Variants in RFTN1 observed in about 807,000 individuals in gnomAD.
RFTN1 encodes the protein raftlin, lipid raft linker 1, also known as raftlin.
A neutral mutation model predicts 46.5 loss-of-function variants in RFTN1; 26 were observed. That is an observed-to-expected ratio of 0.56 (90% confidence interval 0.41 to 0.78). The LOEUF (loss-of-function observed/expected upper bound fraction) is 0.78. Among genes scored for constraint, RFTN1 ranks in the 30% least tolerant of loss-of-function variants. The pLI, the probability that RFTN1 is intolerant of heterozygous loss-of-function variation, is 0.00. For missense variants in RFTN1, 693 were observed against 718.7 expected (o/e 0.96, Z 0.41); for synonymous variants, 261 against 284.2 (o/e 0.92, Z 0.82).
chr3:16,416,569 T>G (rs1439752439), intron 3 of RFTN1, among the ~76,000 whole-genome samples: 1 of 152,202 alleles, frequency 6.6e-6, no homozygotes, highest in African/African-American at 2.4e-5. Context: ...GAGAATTCTC[T>G]GGAATACCTT....
At position 16,410,173 on chromosome 3, in the gene RFTN1, A is replaced by G. The variant is rs1438324698; in HGVS notation, c.333-690T>C. 6.6e-6 allele frequency among the ~76,000 whole-genome samples: 1 copy of G among 151,658 alleles called. No individual in the cohort carries two copies. Among genetic ancestry groups the G allele is most frequent in the Admixed American group, 6.6e-5 (1 of 15,214 alleles). ...GTAGCATCATGTAAAACACATCATT[A>G]TAGAATGATGGGTTTGGTACAATAC... On this transcript the variant is annotated intron_variant, in intron 3 of 9. Coordinates refer to ENST00000334133, the MANE Select transcript of RFTN1 (RefSeq NM_015150.2). The surrounding 1 kb of genome is among the most constrained non-coding windows in gnomAD (Gnocchi z 4.6).
Position 16,322,758 on chromosome 3 carries a change from G to A in RFTN1, c.1332+618C>T, listed in dbSNP as rs1208371893. 1.3e-5 allele frequency among the ~76,000 whole-genome samples: 2 copies of A among 152,152 alleles called. No individual in the cohort carries two copies. The highest frequency in any genetic ancestry group is 2.9e-5 in the Non-Finnish European group (2 of 68,028). On this transcript the variant is annotated intron_variant, in intron 9 of 9. Coordinates refer to ENST00000334133, the MANE Select transcript of RFTN1 (RefSeq NM_015150.2). The surrounding 1 kb of genome is among the most constrained non-coding windows in gnomAD (Gnocchi z 6.2). ...ACTCTCTGAGAAGGCCAGTCTCTGT[G>A]CGACTGTTTCTAGGGTAGTTCAGAG...
At chr3:16,371,159 T>C (rs1328857853) in intron 5 of RFTN1, among the ~76,000 whole-genome samples, 1 of 152,252 alleles carries the variant, frequency 6.6e-6, no homozygotes, top group Non-Finnish European at 1.5e-5. Flanking sequence ...GAATATGCTT[T>C]GGTTTCCAAA....
chr3:16,487,380 C>A (rs575497071), intron 2 of RFTN1, among the ~76,000 whole-genome samples: 1 of 152,100 alleles, frequency 6.6e-6, no homozygotes, highest in Non-Finnish European at 1.5e-5. Flanking sequence ...GACCTGAAAC[C>A]GAATTTTCCT....
At position 16,509,577 on chromosome 3, in the gene RFTN1, A is replaced by G. The variant is rs2125016206; in HGVS notation, c.-9+3865T>C. Among the ~76,000 whole-genome samples the G allele has an allele frequency of 6.6e-6, 1 of 152,352 alleles. No individual in the cohort carries two copies. The highest frequency in any genetic ancestry group is 1.5e-5 in the Non-Finnish European group (1 of 68,028). On this transcript the variant is annotated intron_variant, in intron 1 of 9. Coordinates refer to ENST00000334133, the MANE Select transcript of RFTN1 (RefSeq NM_015150.2). The surrounding 1 kb of genome is among the most constrained non-coding windows in gnomAD (Gnocchi z 4.9). ...TAATTATTTGTATTTTATTAACAAT[A>G]TTAAAATCAGTAATAAAGAGAACAG...
At position 16,357,886 on chromosome 3, in the gene RFTN1, A is replaced by G; in HGVS notation, c.1146+46T>C. The G allele has an allele frequency of 1.7e-6, 2 of 1,185,010 alleles. 1 individual carries two copies. Among genetic ancestry groups the G allele is most frequent in the South Asian group, 2.5e-5 (2 of 80,684 alleles). 73.4% of individuals were successfully genotyped at this position (1,185,010 alleles called of 1,614,324 possible). A position where few individuals can be genotyped will look rare whatever the true frequency, so the allele number is the denominator to read the frequency against. On this transcript the variant is annotated intron_variant, in intron 7 of 9. Coordinates refer to ENST00000334133, the MANE Select transcript of RFTN1 (RefSeq NM_015150.2). ...TCAGATCAAGCAGGCGGATAAAACA[A>G]GTGCTGTCTAAACAAAAGAAGCGGG... is the stretch of plus-strand genomic sequence containing the variant.
intron 4 of RFTN1, among the ~76,000 whole-genome samples, chr3:16,404,460 T>C (rs1423514250): frequency 8.1e-6 from 1 of 123,138 alleles, no homozygotes; most frequent in Admixed American, 9.2e-5. Context: ...CCTGTATTTC[T>C]TCCTTGGGAC....
At position 16,473,606 on chromosome 3, in the gene RFTN1, C is replaced by T. The variant is rs1374085152; in HGVS notation, c.145+20119G>A. On this transcript the variant is annotated intron_variant, in intron 2 of 9. Coordinates refer to ENST00000334133, the MANE Select transcript of RFTN1 (RefSeq NM_015150.2). This position sits in a 1 kb window ranked among gnomAD's most constrained non-coding sequence, Gnocchi z 5.3. Reference sequence around the variant, plus strand: ...TTTTTTAGTAGAAACGGAGTTTCACCGTGTTGCCCAGGCTGGTCTGGAACT... The same window carrying T: ...TTTTTTAGTAGAAACGGAGTTTCACTGTGTTGCCCAGGCTGGTCTGGAACT... Among the ~76,000 whole-genome samples the T allele has an allele frequency of 1.3e-5, 2 of 152,116 alleles. No individual in the cohort carries two copies. Among genetic ancestry groups the T allele is most frequent in the Middle Eastern group, 3.4e-3 (1 of 294 alleles).
chr3:16,326,612 T>C (rs182051157), intron 8 of RFTN1, among the ~76,000 whole-genome samples, 161 bp downstream of exon 8: 115 of 152,298 alleles, frequency 7.6e-4, no homozygotes, highest in African/African-American at 2.7e-3. Flanking sequence ...TGGTTAAGAA[T>C]GTGAAATTCT....
At chr3:16,415,430 T>TACACACACACACACAC (rs1553589390) in intron 3 of RFTN1, among the ~76,000 whole-genome samples, 1 of 114,342 alleles carries the variant, frequency 8.7e-6, no homozygotes, top group Non-Finnish European at 2.0e-5. Context: ...TATATATATA[T>TACACACACACACACAC]ACACACACAC....
intron 6 of RFTN1, among the ~76,000 whole-genome samples, chr3:16,360,055 T>C (rs2072726984): frequency 6.6e-6 from 1 of 152,176 alleles, no homozygotes; most frequent in Admixed American, 6.5e-5. Flanking sequence ...TATTTTTATA[T>C]ATAAAAAGCT....
At chr3:16,434,473 G>A (rs546393931) in intron 2 of RFTN1, among the ~76,000 whole-genome samples, 2 of 152,204 alleles carry the variant, frequency 1.3e-5, no homozygotes, top group East Asian at 3.9e-4. Context: ...AAGATCGCTT[G>A]AGCTGGAAAT....
Position 16,513,603 on chromosome 3 carries a change from G to C in RFTN1, c.-170C>G, listed in dbSNP as rs1210432364. On this transcript the variant is annotated 5_prime_UTR_variant, in exon 1 of 10. Coordinates refer to ENST00000334133, the MANE Select transcript of RFTN1 (RefSeq NM_015150.2). The surrounding 1 kb of genome is among the most constrained non-coding windows in gnomAD (Gnocchi z 5.4). Reference sequence around the variant, plus strand: ...GGTGGCGCCGCGTGGTCGTGTGTCTGTCCCTCCGGCGATCGGTGCGTCTGT... The same window carrying C: ...GGTGGCGCCGCGTGGTCGTGTGTCTCTCCCTCCGGCGATCGGTGCGTCTGT... 6.6e-6 allele frequency: 1 copy of C among 152,246 alleles called. No homozygotes were observed. Among genetic ancestry groups the C allele is most frequent in the African/African-American group, 2.4e-5 (1 of 41,370 alleles). 9.4% of individuals were successfully genotyped at this position (152,246 alleles called of 1,614,324 possible). A position where few individuals can be genotyped will look rare whatever the true frequency, so the allele number is the denominator to read the frequency against.
intron 7 of RFTN1, among the ~76,000 whole-genome samples, chr3:16,343,178 G>A (rs990542586): frequency 6.6e-6 from 1 of 152,068 alleles, no homozygotes; most frequent in African/African-American, 2.4e-5. Flanking sequence ...GTGATTCTGA[G>A]GACTAGCAAG....
Position 16,336,403 on chromosome 3 carries a change from G to A in RFTN1, c.1147-9527C>T, listed in dbSNP as rs1575034966. Among the ~76,000 whole-genome samples the A allele has an allele frequency of 6.6e-6, 1 of 152,146 alleles. No individual in the cohort carries two copies. Among genetic ancestry groups the A allele is most frequent in the African/African-American group, 2.4e-5 (1 of 41,426 alleles). On this transcript the variant is annotated intron_variant, in intron 7 of 9. Transcript: ENST00000334133. This position sits in a 1 kb window ranked among gnomAD's most constrained non-coding sequence, Gnocchi z 6.0. ...TGGAGGGAGGGAGAAGGGAAGGGGCGACCTGCTGCTCTGTGGAGAAACAGC... is the reference window on the plus strand; with the variant it reads ...TGGAGGGAGGGAGAAGGGAAGGGGCAACCTGCTGCTCTGTGGAGAAACAGC...
chr3:16,430,975 A>G (rs941252449), intron 3 of RFTN1, among the ~76,000 whole-genome samples: 1 of 152,224 alleles, frequency 6.6e-6, no homozygotes, highest in Non-Finnish European at 1.5e-5. Context: ...ATAATGCACT[A>G]TTCCCCAAAG....
chr3:16,455,108 G>A (rs1331788765), intron 2 of RFTN1, among the ~76,000 whole-genome samples: 1 of 152,260 alleles, frequency 6.6e-6, no homozygotes, highest in East Asian at 1.9e-4. Context: ...TTGTCTCCAC[G>A]CCATAAACAC....
intron 6 of RFTN1, among the ~76,000 whole-genome samples, chr3:16,358,666 C>G (rs2072626492): frequency 6.6e-6 from 1 of 151,992 alleles, no homozygotes. Context: ...GTTCTGAGCT[C>G]TGCACAATTC....
At position 16,334,764 on chromosome 3, in the gene RFTN1, G is replaced by A. The variant is rs1465427282; in HGVS notation, c.1147-7888C>T. Among the ~76,000 whole-genome samples the A allele has an allele frequency of 1.3e-5, 2 of 152,224 alleles. No homozygotes were observed. The highest frequency in any genetic ancestry group is 4.8e-5 in the African/African-American group (2 of 41,452). On this transcript the variant is annotated intron_variant, in intron 7 of 9. Coordinates refer to ENST00000334133, the MANE Select transcript of RFTN1 (RefSeq NM_015150.2). The surrounding 1 kb of genome is among the most constrained non-coding windows in gnomAD (Gnocchi z 4.3). ...CCTAATCCCAGGAGCCTGTGAAAAT[G>A]TTCCCTTCGCATGGTAAAGGGATGT...
Sources: gnomAD v4.1 joint callset for allele counts (sites outside exome capture counted in the v4.1 genomes callset) on GRCh38, gnomAD v4.1.1 for gene constraint, Gnocchi (gnomAD v3.1) non-coding constraint, MANE v1.5 for transcripts, NCBI Gene and HGNC (gene_info 2026-07-23, HGNC 2026-07-21) for gene names.